The following AAK1 variants were observed in gnomAD, a reference collection of about 807,000 sequenced individuals.
AAK1 encodes the protein AP2-associated protein kinase 1.
AAK1 carries 37 observed loss-of-function variants against 116.0 expected under a neutral mutation model. That is an observed-to-expected ratio of 0.32 (90% confidence interval 0.25 to 0.42). AAK1 has a LOEUF of 0.42. AAK1 is among the 10% of genes least tolerant of loss of function. AAK1 has a pLI of 1.00. For missense variants in AAK1, 919 were observed against 1,170.6 expected (o/e 0.79, Z 3.14); for synonymous variants, 458 against 439.9 (o/e 1.04, Z -0.51).
chr2:69,476,451 C>T (rs1471579631), intron 21 of AAK1, among the ~76,000 whole-genome samples: 1 of 152,102 alleles, frequency 6.6e-6, no homozygotes, highest in Non-Finnish European at 1.5e-5. Flanking sequence ...CATGATTTTC[C>T]TCCATCAAAG....
chr2:69,577,012 C>CTATTTTTTA (rs1672342771), intron 2 of AAK1, among the ~76,000 whole-genome samples: 1 of 152,228 alleles, frequency 6.6e-6, no homozygotes, highest in Non-Finnish European at 1.5e-5. Flanking sequence ...TAGGACACAT[C>CTATTTTTTA]CAAAAACAGC....
intron 5 of AAK1, among the ~76,000 whole-genome samples, chr2:69,538,202 G>A (rs1274908542): frequency 6.6e-6 from 1 of 152,248 alleles, no homozygotes; most frequent in Non-Finnish European, 1.5e-5. Flanking sequence ...CGCTGCCTCC[G>A]TCTTAGGAGC....
Position 69,490,079 on chromosome 2 carries a change from T to TA in AAK1, c.2365+5905dup, listed in dbSNP as rs144210620. ...TGCCATAAACCAAGAGGCACTTTTT[T>TA]AAAAAAGTTTTTAATTCTAAGAAGC... On this transcript the variant is annotated intron_variant, in intron 17 of 21. Coordinates refer to ENST00000409085, the MANE Select transcript of AAK1 (RefSeq NM_014911.5). Among the ~76,000 whole-genome samples the TA allele has an allele frequency of 3.6e-3, 546 of 152,298 alleles. 5 individuals carry two copies. The highest frequency in any genetic ancestry group is 0.012 in the African/African-American group (512 of 41,568).
intron 3 of AAK1, 78 bp downstream of exon 3, chr2:69,556,781 AC>A: frequency 8.8e-7 from 1 of 1,141,044 alleles, no homozygotes; most frequent in Admixed American, 1.9e-5. Flanking sequence ...AAGGGAACAA[AC>A]CCCGCTTGGC....
Position 69,633,768 on chromosome 2 carries a change from A to G in AAK1, c.163+9110T>C, listed in dbSNP as rs79082057. 6.5e-3 allele frequency among the ~76,000 whole-genome samples: 997 copies of G among 152,328 alleles called. 12 individuals are homozygous for G. Among genetic ancestry groups the G allele is most frequent in the African/African-American group, 0.022 (932 of 41,556 alleles). On this transcript the variant is annotated intron_variant, in intron 2 of 21. Coordinates refer to ENST00000409085, the MANE Select transcript of AAK1 (RefSeq NM_014911.5). ...TTCTGATATTTTGTTACAGCAGCCC[A>G]GAGGAACTAAGCCAGTAAGCAACCT...
rs373862558 is a variant in AAK1, at chr2:69,643,344, G to C, written c.-234-70C>G. On this transcript the variant is annotated intron_variant, in intron 1 of 21. Transcript: ENST00000409085. ...TTAAAAATTCAACCGCTGAGTCCTA[G>C]GGGGAGCAAAAGCCATCATCCTGGG... 7.3e-6 allele frequency: 9 copies of C among 1,238,062 alleles called. No individual in the cohort carries two copies. The African/African-American group carries it at 1.2e-4, about 17-fold the overall frequency. The allele number at this position is 1,238,062 out of a possible 1,614,324, so 76.7% of individuals were successfully genotyped here.
In AAK1 at chr2:69,544,426, A is replaced by G. The variant is rs1670844214; in HGVS notation, c.391+10T>C. 6.3e-7 allele frequency: 1 copy of G among 1,592,916 alleles called. No homozygotes were observed. The highest frequency in any genetic ancestry group is 8.6e-7 in the Non-Finnish European group (1 of 1,161,064). ...AAATGACAGCTTAAGGGAATGGTTC[A>G]TATACATACCTCTACAAAAGTCCAT... On this transcript the variant is annotated intron_variant, in intron 4 of 21. Transcript: ENST00000409085.
intron 5 of AAK1, among the ~76,000 whole-genome samples, chr2:69,533,114 G>A (rs1427560396): frequency 6.6e-6 from 1 of 152,092 alleles, no homozygotes; most frequent in Non-Finnish European, 1.5e-5. Context: ...ATTGTCTTTT[G>A]CCTTCAGCCT....
chr2:69,574,236 T>C (rs998581450), intron 2 of AAK1, among the ~76,000 whole-genome samples: 4 of 151,510 alleles, frequency 2.6e-5, no homozygotes, highest in African/African-American at 9.7e-5. Flanking sequence ...CTGGGTATAG[T>C]GGTGCACACC....
rs954162709 is a variant in AAK1 at position 69,617,401 on chromosome 2, C to T, written c.163+25477G>A. The stretch of plus-strand genomic sequence containing the variant: ...CCTAGCTGTGTAGTTTCGGACAGGC[C>T]ATTTAATCCTCTGGGCATAGTTTCT... On this transcript the variant is annotated intron_variant, in intron 2 of 21. Transcript: ENST00000409085. 3.3e-5 allele frequency among the ~76,000 whole-genome samples: 5 copies of T among 152,120 alleles called. No homozygotes were observed. In the South Asian group the frequency reaches 6.2e-4, roughly 19 times the overall value.
At chr2:69,515,324 TTTTG>T (rs1349387317) in intron 12 of AAK1, among the ~76,000 whole-genome samples, 2 of 152,150 alleles carry the variant, frequency 1.3e-5, no homozygotes, top group South Asian at 2.1e-4. Flanking sequence ...TGACGCTTCC[TTTTG>T]TTTGTTTGTT....
intron 16 of AAK1, among the ~76,000 whole-genome samples, chr2:69,504,789 T>C (rs1005060621): frequency 3.9e-5 from 6 of 152,148 alleles, no homozygotes; most frequent in Non-Finnish European, 8.8e-5. Flanking sequence ...TGTGGTCATG[T>C]GTATTCTGGT....
chr2:69,557,925 T>C (rs928903713), intron 2 of AAK1, among the ~76,000 whole-genome samples: 1 of 152,184 alleles, frequency 6.6e-6, no homozygotes, highest in Non-Finnish European at 1.5e-5. Flanking sequence ...GTTGAGAAGA[T>C]ACATGATAAG....
intron 2 of AAK1, among the ~76,000 whole-genome samples, 155 bp from the exon 3 acceptor site, chr2:69,557,133 G>A (rs184696805): frequency 2.0e-5 from 3 of 152,290 alleles, no homozygotes; most frequent in South Asian, 2.1e-4. Context: ...CACATTCTTA[G>A]ATTCTCAGAA....
At position 69,496,009 on chromosome 2, in the gene AAK1, G is replaced by T; in HGVS notation, c.2341C>A (p.Pro781Thr). Reference protein sequence around the residue: ...PLLSVSDPFIPLQVPDAPEKL... With the variant: ...PLLSVSDPFITLQVPDAPEKL... ...CCTGGTGCATCAGGTACTTGAAGAG[G>T]AATGAAAGGATCAGACACGCTTAGA... The change falls in exon 17 of 22, where the codon CCT becomes ACT. Residue 781 changes from proline (P) to threonine (T), a missense_variant. By Grantham distance (38) the Pro-to-Thr change is conservative. This residue lies in a region of AAK1 where 263 missense variants were observed against 285.5 expected (regional missense o/e 0.92). Coordinates refer to ENST00000409085, the MANE Select transcript of AAK1 (RefSeq NM_014911.5). The T allele has an allele frequency of 6.4e-7, 1 of 1,554,132 alleles. No individual in the cohort carries two copies. The highest frequency in any genetic ancestry group is 1.4e-5 in the African/African-American group (1 of 73,312).
chr2:69,610,851 G>A (rs186683810), intron 2 of AAK1, among the ~76,000 whole-genome samples: 50 of 152,238 alleles, frequency 3.3e-4, no homozygotes, highest in Admixed American at 2.6e-3. Context: ...CTATTACTAA[G>A]AAAAAACAGC....
At position 69,605,400 on chromosome 2, in the gene AAK1, T is replaced by C. The variant is rs554167105; in HGVS notation, c.163+37478A>G. Among the ~76,000 whole-genome samples, 28 of 152,368 alleles carry C rather than the reference T, an allele frequency of 1.8e-4. No homozygotes were observed. In the East Asian group the frequency reaches 5.2e-3, roughly 28 times the overall value. On this transcript the variant is annotated intron_variant, in intron 2 of 21. Transcript: ENST00000409085. The stretch of plus-strand genomic sequence containing the variant: ...CTAGTGGAAACCCTAACCATTCTCC[T>C]TGCTCTGCCTTTTCCTTCTTATGCA...
intron 2 of AAK1, among the ~76,000 whole-genome samples, chr2:69,633,791 C>A (rs1294807274): frequency 1.3e-5 from 2 of 152,250 alleles, no homozygotes; most frequent in African/African-American, 4.8e-5. Flanking sequence ...CAGTAAGCAA[C>A]CTTCAAATGC....
chr2:69,493,262 C>T lies in AAK1; in HGVS notation c.2365+2723G>A, dbSNP rs192996204. Among the ~76,000 whole-genome samples, 4 of 151,850 alleles carry T rather than the reference C, an allele frequency of 2.6e-5. No individual in the cohort carries two copies. The East Asian group carries it at 7.7e-4, about 29-fold the overall frequency. Reference sequence around the variant, plus strand: ...AAATAAGCAGAATAGTCAAAGCCACCGTGGTAATATAACATACTTAGCACA... The same window carrying T: ...AAATAAGCAGAATAGTCAAAGCCACTGTGGTAATATAACATACTTAGCACA... On this transcript the variant is annotated intron_variant, in intron 17 of 21. Transcript: ENST00000409085.
Sources: allele counts gnomAD v4.1 joint callset (sites outside exome capture counted in the v4.1 genomes callset), GRCh38; gene constraint gnomAD v4.1.1; regional missense constraint gnomAD v4.1.1; transcripts MANE v1.5; gene names NCBI Gene and HGNC (gene_info 2026-07-23, HGNC 2026-07-21).